MYBPC1: variants seen among roughly 807,000 people sequenced by gnomAD.
MYBPC1 encodes myosin binding protein C1, also known as myosin-binding protein C, slow-type.
MYBPC1 carries 52 observed loss-of-function variants against 147.1 expected under a neutral mutation model. That is an observed-to-expected ratio of 0.35 (90% CI 0.28 to 0.45). The LOEUF (loss-of-function observed/expected upper bound fraction) is 0.45. MYBPC1 is among the 20% of genes least tolerant of loss of function. The pLI, the probability that MYBPC1 is intolerant of heterozygous loss-of-function variation, is 1.00. For missense variants in MYBPC1, 1,228 were observed against 1,440.3 expected, an observed-to-expected ratio of 0.85 and a Z score of 2.39; for synonymous variants, 477 against 475.9, an observed-to-expected ratio of 1.00 and a Z score of -0.03.
At chr12:101,600,303 T>G (rs1045551938) in intron 1 of MYBPC1, 1 of 151,606 alleles carries the variant, frequency 6.6e-6, no homozygotes, top group African/African-American at 2.4e-5. Flanking sequence ...CTTGAAACTT[T>G]TTTTTTTTTT....
In MYBPC1 at chr12:101,662,350, A is replaced by G; in HGVS notation, c.2033-8A>G. On this transcript the variant is annotated splice_region_variant and splice_polypyrimidine_tract_variant and intron_variant, in intron 20 of 31. Transcript: ENST00000361466. The stretch of plus-strand genomic sequence containing the variant: ...AAAAACCTTAGTTTTCATTTTGCAT[A>G]CCTGCAGGATATTTTATTGAGAGGA... 1.2e-6 allele frequency: 2 copies of G among 1,613,192 alleles called. No homozygotes were observed. The highest frequency in any genetic ancestry group is 1.6e-4 in the Middle Eastern group (1 of 6,062).
chr12:101,627,132 G>A (rs568761255), intron 4 of MYBPC1, among the ~76,000 whole-genome samples: 2 of 152,288 alleles, frequency 1.3e-5, no homozygotes, highest in South Asian at 4.1e-4. Context: ...AAATAAATAA[G>A]ATTGGTAAAT....
intron 1 of MYBPC1, among the ~76,000 whole-genome samples, chr12:101,603,899 C>A (rs181475857): frequency 1.3e-5 from 2 of 152,302 alleles, no homozygotes; most frequent in African/African-American, 4.8e-5. Context: ...CCACTGCACT[C>A]CTGCCTGGGT....
chr12:101,675,556 G>A, intron 26 of MYBPC1, 125 bp downstream of exon 26: 1 of 1,426,076 alleles, frequency 7.0e-7, no homozygotes, highest in Non-Finnish European at 9.8e-7. Context: ...ATGTGGCAGA[G>A]CAGAAAGGAA....
At chr12:101,645,451 A>G (rs1216882090) in intron 12 of MYBPC1, among the ~76,000 whole-genome samples, 1 of 152,222 alleles carries the variant, frequency 6.6e-6, no homozygotes, top group South Asian at 2.1e-4. Context: ...AGAGATTTTC[A>G]ACTCCAATAT....
intron 12 of MYBPC1, among the ~76,000 whole-genome samples, chr12:101,645,257 C>A (rs1892844259): frequency 6.6e-6 from 1 of 152,130 alleles, no homozygotes; most frequent in Admixed American, 6.6e-5. Flanking sequence ...TGAGCACTTG[C>A]AATATTGCAT....
At position 101,597,963 on chromosome 12, in the gene MYBPC1, A is replaced by T. The variant is rs1878031012; in HGVS notation, c.25+2868A>T. Among the ~76,000 whole-genome samples, 3 of 151,722 alleles carry T rather than the reference A, an allele frequency of 2.0e-5. No homozygotes were observed. The South Asian group carries it at 6.2e-4, about 32-fold the overall frequency. On this transcript the variant is annotated intron_variant, in intron 1 of 31. Coordinates refer to ENST00000361466, the MANE Select transcript of MYBPC1 (RefSeq NM_002465.4). ...ATCAATTATTAATTGAGTACAAGTA[A>T]GTGCCCGAAAGTTAATTGCCCCCGG...
rs144259512 is a variant in MYBPC1, at chr12:101,647,216, A to G, written c.1090+329A>G. 4.9e-3 allele frequency among the ~76,000 whole-genome samples: 750 copies of G among 152,344 alleles called. 10 individuals are homozygous for G. The highest frequency in any genetic ancestry group is 0.017 in the African/African-American group (717 of 41,578). On this transcript the variant is annotated intron_variant, in intron 13 of 31. Transcript: ENST00000361466. ...ATAGGTTTCTCTTGAAACCAGCTTC[A>G]TTAATAAGTGGTTGGTACCAAGCAC...
In MYBPC1 at chr12:101,598,428, C is replaced by G. The variant is rs559457969; in HGVS notation, c.25+3333C>G. ...TTTCTTCCGTGGCAGAATCTCTGTTCATTAAAGAATAGTATGAATGGCTGT... is the reference window on the plus strand; with the variant it reads ...TTTCTTCCGTGGCAGAATCTCTGTTGATTAAAGAATAGTATGAATGGCTGT... On this transcript the variant is annotated intron_variant, in intron 1 of 31. Coordinates refer to ENST00000361466, the MANE Select transcript of MYBPC1 (RefSeq NM_002465.4). 2.0e-5 allele frequency among the ~76,000 whole-genome samples: 3 copies of G among 152,200 alleles called. No homozygotes were observed. In the East Asian group the frequency reaches 5.8e-4, roughly 29 times the overall value.
chr12:101,659,520 T>A lies in MYBPC1; in HGVS notation c.1768-152T>A, dbSNP rs1896160943. 3.8e-6 allele frequency: 3 copies of A among 789,166 alleles called. No individual in the cohort carries two copies. The Admixed American group carries it at 6.3e-5, about 17-fold the overall frequency. 48.9% of individuals were successfully genotyped at this position (789,166 alleles called of 1,614,324 possible). On this transcript the variant is annotated intron_variant, in intron 18 of 31. Coordinates refer to ENST00000361466, the MANE Select transcript of MYBPC1 (RefSeq NM_002465.4). ...GAAAACATATAATAGGCATGAACAC[T>A]ATATAGTTACACTATATAGTCCACC...
chr12:101,606,679 T>C (rs1882324934), intron 1 of MYBPC1, among the ~76,000 whole-genome samples: 1 of 152,100 alleles, frequency 6.6e-6, no homozygotes, highest in South Asian at 2.1e-4. Flanking sequence ...CTATAATGAA[T>C]AGAGTGGGGA....
At chr12:101,670,631 A>T (rs1345285067) in intron 24 of MYBPC1, among the ~76,000 whole-genome samples, 1 of 152,228 alleles carries the variant, frequency 6.6e-6, no homozygotes, top group East Asian at 1.9e-4. Flanking sequence ...TCTGCATGAG[A>T]CAAATGAGAT....
chr12:101,675,098 T>A (rs1594054804), intron 25 of MYBPC1, among the ~76,000 whole-genome samples, 194 bp from the exon 26 acceptor site: 1 of 152,152 alleles, frequency 6.6e-6, no homozygotes, highest in Admixed American at 6.5e-5. Flanking sequence ...GTGTTGAGGC[T>A]GCTCTGTGCC....
chr12:101,642,355 C>A (rs1892221749), intron 10 of MYBPC1, 64 bp from the exon 11 acceptor site: 2 of 1,546,978 alleles, frequency 1.3e-6, no homozygotes, highest in Non-Finnish European at 1.8e-6. Context: ...AATTATACCT[C>A]GACCTTCGTG....
chr12:101,644,332 CA>C (rs1892639441), intron 11 of MYBPC1, among the ~76,000 whole-genome samples: 2 of 152,196 alleles, frequency 1.3e-5, no homozygotes, highest in African/African-American at 4.8e-5. Context: ...CCACCGTGCC[CA>C]GCCCCAGCGT....
chr12:101,646,523 C>T (rs893164994), intron 12 of MYBPC1, among the ~76,000 whole-genome samples: 45 of 152,068 alleles, frequency 3.0e-4, no homozygotes, highest in Non-Finnish European at 2.9e-5. Flanking sequence ...CCTGTGGTCC[C>T]GGCCACACGG....
intron 21 of MYBPC1, 134 bp from the exon 22 acceptor site, chr12:101,663,292 T>G (rs1896890035): frequency 1.2e-6 from 1 of 816,876 alleles, no homozygotes; most frequent in Admixed American, 1.8e-5. Context: ...GCTCAAGGTG[T>G]CTTAACTGAA....
intron 18 of MYBPC1, among the ~76,000 whole-genome samples, chr12:101,654,613 T>G (rs1895196577): frequency 6.6e-6 from 1 of 152,166 alleles, no homozygotes; most frequent in Non-Finnish European, 1.5e-5. Context: ...AGAGTCCCCC[T>G]GGAGCTCTGC....
Position 101,685,882 on chromosome 12 carries a change from C to T in MYBPC1, c.*320C>T. 2.1e-6 allele frequency: 1 copy of T among 475,050 alleles called. No individual in the cohort carries two copies. Among genetic ancestry groups the T allele is most frequent in the East Asian group, 4.0e-5 (1 of 25,010 alleles). The allele number at this position is 475,050 out of a possible 1,614,324, so 29.4% of individuals were successfully genotyped here. On this transcript the variant is annotated 3_prime_UTR_variant, in exon 32 of 32. Coordinates refer to ENST00000361466, the MANE Select transcript of MYBPC1 (RefSeq NM_002465.4). ...CAAACAAAATCTCATTTGAAGTCAGCACTTTGGTCATTATTATCTCTGCTC... is the reference window on the plus strand; with the variant it reads ...CAAACAAAATCTCATTTGAAGTCAGTACTTTGGTCATTATTATCTCTGCTC...
Sources: allele counts gnomAD v4.1 joint callset (sites outside exome capture counted in the v4.1 genomes callset), GRCh38; gene constraint gnomAD v4.1.1; transcripts MANE v1.5; gene names NCBI Gene and HGNC (gene_info 2026-07-23, HGNC 2026-07-21).